Variants in PHF24 observed in about 807,000 individuals in gnomAD.
PHF24 encodes Galpha inhibitory interacting protein.
Under a neutral mutation model 42.6 loss-of-function variants are expected in PHF24, and 25 were observed. That is an observed-to-expected ratio of 0.59 (90% CI 0.43 to 0.82). The LOEUF (loss-of-function observed/expected upper bound fraction) is 0.82, where lower values mean the gene tolerates loss of function less well. Ranked by LOEUF, PHF24 falls within the 40% of genes least tolerant of loss-of-function variation. PHF24 has a pLI of 0.00. For missense variants in PHF24, 470 were observed against 538.1 expected, an observed-to-expected ratio of 0.87 and a Z score of 1.25; for synonymous variants, 185 against 204.8, an observed-to-expected ratio of 0.90 and a Z score of 0.83.
At chr9:34,927,475 A>G in the PHF24 span, among the ~76,000 whole-genome samples, 1 of 152,204 alleles carries the variant, frequency 6.6e-6, no homozygotes, top group African/African-American at 2.4e-5. Flanking sequence ...TTGCTCTCCT[A>G]ATCTGGAGCA....
the PHF24 span, among the ~76,000 whole-genome samples, chr9:34,861,868 A>T: frequency 1.3e-5 from 2 of 152,220 alleles, no homozygotes; most frequent in Admixed American, 6.5e-5. Flanking sequence ...ACCAAACCTA[A>T]CATCATCAAT....
chr9:34,814,883 G>A, the PHF24 span, among the ~76,000 whole-genome samples: 2 of 152,172 alleles, frequency 1.3e-5, no homozygotes, highest in Admixed American at 1.3e-4. Context: ...TGGGATTATA[G>A]GCGCCCGCCA....
the PHF24 span, among the ~76,000 whole-genome samples, chr9:34,704,228 G>T: frequency 2.7e-5 from 4 of 148,616 alleles, no homozygotes; most frequent in Non-Finnish European, 5.9e-5. Flanking sequence ...CAGGGGTCTT[G>T]CTTCGTTGCC....
chr9:34,690,270 T>G, the PHF24 span: 3 of 1,613,878 alleles, frequency 1.9e-6, no homozygotes, highest in East Asian at 6.7e-5. Flanking sequence ...CCTCACGATG[T>G]ACCCAGGGAT....
Position 34,961,900 on chromosome 9 carries a change from T to C in PHF24, c.-5+3499T>C, listed in dbSNP as rs1007370185. ...CTTCATCTTACTGGGGTCCTCTCACTGAAGCAGAGCTGTGTGGGCTAATTG... is the reference window on the plus strand; with the variant it reads ...CTTCATCTTACTGGGGTCCTCTCACCGAAGCAGAGCTGTGTGGGCTAATTG... On this transcript the variant is annotated intron_variant, in intron 1 of 7. Coordinates refer to ENST00000242315, the Ensembl canonical transcript of PHF24. 1.8e-4 allele frequency among the ~76,000 whole-genome samples: 27 copies of C among 152,388 alleles called. 1 individual carries two copies. The South Asian group carries it at 4.1e-3, about 23-fold the overall frequency.
chr9:34,955,178 C>A (rs1826343292), upstream of PHF24, among the ~76,000 whole-genome samples: 1 of 152,130 alleles, frequency 6.6e-6, no homozygotes, highest in South Asian at 2.1e-4. Flanking sequence ...CCAGCCAGAA[C>A]AATATTCTCT....
chr9:34,905,162 C>T, the PHF24 span, among the ~76,000 whole-genome samples: 17 of 152,170 alleles, frequency 1.1e-4, no homozygotes, highest in Non-Finnish European at 1.8e-4. Flanking sequence ...TGGAGCCTGC[C>T]TATAAAGCTG....
At chr9:34,797,846 G>A in the PHF24 span, among the ~76,000 whole-genome samples, 24 of 152,068 alleles carry the variant, frequency 1.6e-4, no homozygotes, top group African/African-American at 5.8e-4. Flanking sequence ...TGGAGCCCTA[G>A]CCAGGGACCA....
At chr9:34,932,137 G>T in the PHF24 span, among the ~76,000 whole-genome samples, 5 of 152,052 alleles carry the variant, frequency 3.3e-5, no homozygotes, top group Admixed American at 3.3e-4. Context: ...ATCTCCTAGG[G>T]GCTTAATCCT....
At chr9:34,893,050 C>G in the PHF24 span, 196,386 of 946,434 alleles carry the variant, frequency 0.21, 23,447 homozygotes, top group Admixed American at 0.27. Flanking sequence ...TCTCACCTGC[C>G]AGCAATTGCT....
chr9:34,922,765 C>A, the PHF24 span: 1 of 1,592,216 alleles, frequency 6.3e-7, no homozygotes, highest in Non-Finnish European at 8.5e-7. Flanking sequence ...CTACGGGCTC[C>A]TACAACATTT....
the PHF24 span, among the ~76,000 whole-genome samples, chr9:34,913,766 G>A: frequency 6.6e-6 from 1 of 152,130 alleles, no homozygotes; most frequent in East Asian, 1.9e-4. Context: ...GGGCACAGTA[G>A]GTAAAGAGAG....
At chr9:34,774,331 C>T in the PHF24 span, among the ~76,000 whole-genome samples, 1 of 152,130 alleles carries the variant, frequency 6.6e-6, no homozygotes. Flanking sequence ...GGATAAAATA[C>T]TTGCAAATCA....
At chr9:34,976,106 C>T in intron 3 of PHF24, 46 bp from the exon 4 acceptor site, 1 of 1,408,084 alleles carries the variant, frequency 7.1e-7, no homozygotes, top group Middle Eastern at 1.8e-4. Flanking sequence ...CCTGGCCTTT[C>T]TTACTGGCCT....
chr9:34,866,425 G>T, the PHF24 span, among the ~76,000 whole-genome samples: 1 of 152,094 alleles, frequency 6.6e-6, no homozygotes, highest in African/African-American at 2.4e-5. Context: ...CTTTCAAGGT[G>T]GTCAGCAATT....
chr9:34,977,474 G>A (rs1372790621), intron 6 of PHF24, 72 bp from the exon 7 acceptor site: 1 of 1,465,626 alleles, frequency 6.8e-7, no homozygotes, highest in Non-Finnish European at 9.4e-7. Flanking sequence ...AGAGCCTTGG[G>A]CTTACCAGAG....
chr9:34,963,309 A>G (rs1277561762), intron 1 of PHF24, among the ~76,000 whole-genome samples: 1 of 141,400 alleles, frequency 7.1e-6, no homozygotes, highest in East Asian at 2.0e-4. Context: ...GCTGATGTTC[A>G]CAGTAAGCTC....
chr9:34,796,376 C>T, the PHF24 span, among the ~76,000 whole-genome samples: 1 of 151,242 alleles, frequency 6.6e-6, no homozygotes, highest in Non-Finnish European at 1.5e-5. Flanking sequence ...AATTGAATTT[C>T]ATCAAAATAA....
the PHF24 span, among the ~76,000 whole-genome samples, chr9:34,840,765 A>T: frequency 6.6e-6 from 1 of 152,086 alleles, no homozygotes; most frequent in Admixed American, 6.5e-5. Flanking sequence ...ATTTTCCTTG[A>T]TATGGCTGAA....
Sources: gnomAD v4.1 joint callset for allele counts (sites outside exome capture counted in the v4.1 genomes callset) on GRCh38, gnomAD v4.1.1 for gene constraint, MANE v1.5 for transcripts, NCBI Gene and HGNC (gene_info 2026-07-23, HGNC 2026-07-21) for gene names.